Variants in GAP43 observed in about 807,000 individuals in gnomAD.
GAP43 encodes neuromodulin.
Under a neutral mutation model 18.6 loss-of-function variants are expected in GAP43, and 6 were observed. The observed-to-expected ratio is 0.32, with a 90% CI of 0.18 to 0.64. GAP43 has a LOEUF of 0.64. Ranked by LOEUF, GAP43 falls within the 30% of genes least tolerant of loss-of-function variation. The pLI is 0.78. For missense variants in GAP43, 292 were observed against 295.5 expected (o/e 0.99, Z 0.09); for synonymous variants, 115 against 111.4 (o/e 1.03, Z -0.20).
intron 1 of GAP43, among the ~76,000 whole-genome samples, chr3:115,668,676 A>G (rs1157056851): frequency 1.3e-5 from 2 of 152,092 alleles, no homozygotes; most frequent in African/African-American, 4.8e-5. Context: ...TGCCCACCTC[A>G]GCCTCACAAA....
chr3:115,682,043 G>T (rs1157356269), intron 2 of GAP43, among the ~76,000 whole-genome samples: 2 of 152,124 alleles, frequency 1.3e-5, no homozygotes, highest in Non-Finnish European at 2.9e-5. Flanking sequence ...TTGGATAATT[G>T]GATATTCCAG....
At position 115,676,214 on chromosome 3, in the gene GAP43, G is replaced by C; in HGVS notation, c.232G>C (p.Val78Leu). 1 of 1,614,182 alleles carries C rather than the reference G, an allele frequency of 6.2e-7. No homozygotes were observed. The highest frequency in any genetic ancestry group is 8.5e-7 in the Non-Finnish European group (1 of 1,180,034). The change falls in exon 2 of 3, where the codon GTG (valine) becomes CTG (leucine). Residue 78 changes from valine (V) to leucine (L), a missense_variant. Transcript: ENST00000305124. ...GGATGAAGCCCCTGTTGCCGATGGG[G>C]TGGAGAAGAAGGGAGAAGGCACCAC... Reference protein sequence around the residue: ...KKDEAPVADGVEKKGEGTTTA... With the variant: ...KKDEAPVADGLEKKGEGTTTA...
intron 2 of GAP43, among the ~76,000 whole-genome samples, chr3:115,707,032 A>C (rs938265294): frequency 1.3e-5 from 2 of 152,208 alleles, no homozygotes; most frequent in South Asian, 4.1e-4. Flanking sequence ...TTGATTACCT[A>C]TATGTGAAAC....
At chr3:115,638,390 G>A (rs1239387109) in intron 1 of GAP43, among the ~76,000 whole-genome samples, 1 of 151,932 alleles carries the variant, frequency 6.6e-6, no homozygotes, top group Non-Finnish European at 1.5e-5. Context: ...CATAAAACAT[G>A]TTCACACTTC....
At chr3:115,684,239 C>T (rs571161014) in intron 2 of GAP43, among the ~76,000 whole-genome samples, 1 of 151,742 alleles carries the variant, frequency 6.6e-6, no homozygotes, top group East Asian at 1.9e-4. Context: ...TTTGTTTTTC[C>T]AGTATGAGTT....
intron 1 of GAP43, among the ~76,000 whole-genome samples, chr3:115,634,976 A>C (rs1708310114): frequency 6.6e-6 from 1 of 152,148 alleles, no homozygotes; most frequent in Admixed American, 6.6e-5. Context: ...AATTTTAAAA[A>C]GTATTATTTT....
rs1709232341 is a variant in GAP43, at chr3:115,698,123, T to TTATATATTA, written c.628+21520_628+21521insTATATATAT. 2.0e-4 allele frequency among the ~76,000 whole-genome samples: 2 copies of TTATATATTA among 10,060 alleles called. 1 individual carries two copies. Among genetic ancestry groups the TTATATATTA allele is most frequent in the Admixed American group, 5.0e-3 (2 of 404 alleles). 6.6% of individuals were successfully genotyped at this position (10,060 alleles called of 152,430 possible). ...TAATATATAAAATATATAATATATA[T>TTATATATTA]TATATATAATATATATAATATATAT... On this transcript the variant is annotated intron_variant, in intron 2 of 2. Transcript: ENST00000305124.
At chr3:115,633,302 C>T (rs1708286742) in intron 1 of GAP43, among the ~76,000 whole-genome samples, 1 of 152,024 alleles carries the variant, frequency 6.6e-6, no homozygotes, top group South Asian at 2.1e-4. Context: ...GCTTGGGTCA[C>T]CTAGCAACTG....
At chr3:115,653,814 T>C (rs1046676099) in intron 1 of GAP43, among the ~76,000 whole-genome samples, 4 of 152,228 alleles carry the variant, frequency 2.6e-5, no homozygotes, top group African/African-American at 9.6e-5. Context: ...ATTGCTATTA[T>C]ATTAAAAATA....
chr3:115,687,379 C>G (rs1345835040), intron 2 of GAP43, among the ~76,000 whole-genome samples: 1 of 151,992 alleles, frequency 6.6e-6, no homozygotes, highest in East Asian at 1.9e-4. Context: ...ATATTACAGT[C>G]CTATTGTGTA....
intron 2 of GAP43, among the ~76,000 whole-genome samples, chr3:115,682,434 C>A (rs922306097): frequency 1.9e-4 from 29 of 152,142 alleles, no homozygotes; most frequent in African/African-American, 6.0e-4. Flanking sequence ...TTTTTATATT[C>A]TTGCTTAGGT....
intron 2 of GAP43, among the ~76,000 whole-genome samples, chr3:115,705,302 G>T (rs824353): frequency 0.44 from 67,506 of 151,984 alleles, 15,593 homozygotes; most frequent in African/African-American, 0.56. Flanking sequence ...TTTAGTTTCT[G>T]TATTTTAACC....
At chr3:115,656,379 C>T (rs1256693127) in intron 1 of GAP43, among the ~76,000 whole-genome samples, 1 of 151,968 alleles carries the variant, frequency 6.6e-6, no homozygotes, top group Non-Finnish European at 1.5e-5. Context: ...GTCTAAGGAC[C>T]ATAGATGCAG....
At chr3:115,676,989 G>A (rs1159936172) in intron 2 of GAP43, among the ~76,000 whole-genome samples, 1 of 152,176 alleles carries the variant, frequency 6.6e-6, no homozygotes. Flanking sequence ...TTATGGATGG[G>A]AATTAGCTAA....
At chr3:115,710,869 A>ATGTT (rs1264556911) in intron 2 of GAP43, among the ~76,000 whole-genome samples, 6 of 152,040 alleles carry the variant, frequency 3.9e-5, no homozygotes, top group Non-Finnish European at 8.8e-5. Flanking sequence ...TTCCGTTTTT[A>ATGTT]TGTTTGGTAA....
chr3:115,632,499 T>A (rs1708272492), intron 1 of GAP43, among the ~76,000 whole-genome samples: 1 of 152,226 alleles, frequency 6.6e-6, no homozygotes, highest in Non-Finnish European at 1.5e-5. Context: ...GACATTATAG[T>A]TCTTCTGTGT....
intron 1 of GAP43, among the ~76,000 whole-genome samples, chr3:115,643,801 G>A (rs144518187): frequency 2.0e-5 from 3 of 152,098 alleles, no homozygotes; most frequent in East Asian, 1.9e-4. Flanking sequence ...CCAGTGGTAC[G>A]TAAACTCCAT....
rs1387510872 is a variant in GAP43, at chr3:115,668,749, A to G, written c.31-7264A>G. The stretch of plus-strand genomic sequence containing the variant: ...ACTTTCACCAGTTTTGCTAGTGAAA[A>G]CGCATATAAGCAGGGAGCAGTGCCT... On this transcript the variant is annotated intron_variant, in intron 1 of 2. Transcript: ENST00000305124. 3.9e-5 allele frequency among the ~76,000 whole-genome samples: 6 copies of G among 152,174 alleles called. 1 individual carries two copies. Among genetic ancestry groups the G allele is most frequent in the Admixed American group, 3.9e-4 (6 of 15,290 alleles).
chr3:115,630,804 G>A (rs952672306), intron 1 of GAP43, among the ~76,000 whole-genome samples: 3 of 152,156 alleles, frequency 2.0e-5, no homozygotes, highest in Non-Finnish European at 2.9e-5. Flanking sequence ...AGTGGGTGAG[G>A]CTATGGAAGG....
Sources: allele counts gnomAD v4.1 joint callset (sites outside exome capture counted in the v4.1 genomes callset), GRCh38; gene constraint gnomAD v4.1.1; transcripts MANE v1.5; gene names NCBI Gene and HGNC (gene_info 2026-07-23, HGNC 2026-07-21).